Variants in PRRG1 observed in about 807,000 individuals in gnomAD.
PRRG1 encodes the protein proline rich and Gla domain 1.
A neutral mutation model predicts 11.8 loss-of-function variants in PRRG1; 5 were observed. The ratio of observed to expected loss-of-function variants is 0.42; its 90% CI spans 0.22 to 0.89. The LOEUF (loss-of-function observed/expected upper bound fraction) is 0.89. Among genes scored for constraint, PRRG1 ranks in the 40% least tolerant of loss-of-function variants. The probability of loss-of-function intolerance (pLI) is 0.28; values close to 1 mark genes in which losing one functional copy is unlikely to be tolerated. For missense variants in PRRG1, 155 were observed against 166.1 expected (o/e 0.93, Z 0.37); for synonymous variants, 66 against 60.4 (o/e 1.09, Z -0.43).
rs1921263331 is a variant in PRRG1 at position 37,454,108 on chromosome X, T to C, written c.*487T>C. 8.9e-6 allele frequency: 1 copy of C among 112,467 alleles called. No individual in the cohort carries two copies. The highest frequency in any genetic ancestry group is 1.9e-5 in the Non-Finnish European group (1 of 53,409). 9.3% of individuals were successfully genotyped at this position (112,467 alleles called of 1,213,427 possible). A position where few individuals can be genotyped will look rare whatever the true frequency, so the allele number is the denominator to read the frequency against. On this transcript the variant is annotated 3_prime_UTR_variant, in exon 4 of 4. Transcript: ENST00000378628. ...ATGTTTTCTAATTCTGACTGGCTTT[T>C]GTTAACTTGATAATTCTTCATCTAC...
chrX:37,405,627 T>C (rs1468648343), intron 1 of PRRG1, among the ~76,000 whole-genome samples: 2 of 111,427 alleles, frequency 1.8e-5, no homozygotes, highest in Non-Finnish European at 3.8e-5. Flanking sequence ...GTATGTTTTT[T>C]GTTTCTCCAA....
chrX:37,399,737 A>G (rs1269417067), intron 1 of PRRG1, among the ~76,000 whole-genome samples: 2 of 105,883 alleles, frequency 1.9e-5, no homozygotes, highest in African/African-American at 6.9e-5. Flanking sequence ...CAGGAAACCC[A>G]TCTCACGTTC....
intron 1 of PRRG1, among the ~76,000 whole-genome samples, chrX:37,369,812 T>G (rs781932194): frequency 1.3e-4 from 14 of 111,766 alleles, no homozygotes; most frequent in African/African-American, 4.6e-4. Context: ...TCTCACGAGA[T>G]CTGATGGTTT....
chrX:37,381,241 A>G (rs782408846), intron 1 of PRRG1, among the ~76,000 whole-genome samples: 1 of 112,009 alleles, frequency 8.9e-6, no homozygotes, highest in East Asian at 2.8e-4. Context: ...AGTTGTTTTA[A>G]GAAGCCATTT....
chrX:37,412,167 T>C lies in PRRG1; in HGVS notation c.10+5908T>C, dbSNP rs1221642936. On this transcript the variant is annotated intron_variant, in intron 2 of 3. Transcript: ENST00000378628. ...TGGTAGTGTTGCCAGTTAGTCTTTG[T>C]TTCTTATTAAAACATAGCAGCATAA... Among the ~76,000 whole-genome samples the C allele has an allele frequency of 3.6e-5, 4 of 111,977 alleles. No homozygotes were observed. In the Admixed American group the frequency reaches 3.8e-4, roughly 11 times the overall value.
At chrX:37,440,657 A>T (rs1932957996) in intron 3 of PRRG1, 2 of 456,987 alleles carry the variant, frequency 4.4e-6, no homozygotes, top group Non-Finnish European at 7.6e-6. Flanking sequence ...GAGGGTATTA[A>T]GTAAAATGGG....
At chrX:37,413,744 A>G (rs972033901) in intron 2 of PRRG1, among the ~76,000 whole-genome samples, 1 of 111,890 alleles carries the variant, frequency 8.9e-6, no homozygotes, top group Non-Finnish European at 1.9e-5. Flanking sequence ...ACATATAGCC[A>G]TGAGCTGCAT....
In PRRG1 at chrX:37,425,822, A is replaced by T. The variant is rs1556388221; in HGVS notation, c.11-18A>T. On this transcript the variant is annotated intron_variant, in intron 2 of 3. Transcript: ENST00000378628. ...TCAACTTGCCACATAGGTTTTTTAT[A>T]CTTATATTTCTTTTTAGTTTTCCTC... The T allele has an allele frequency of 8.7e-7, 1 of 1,154,322 alleles. No individual in the cohort carries two copies. The highest frequency in any genetic ancestry group is 2.7e-5 in the Admixed American group (1 of 36,925).
In PRRG1 at chrX:37,454,188, AGT is replaced by A. The variant is rs1556397637; in HGVS notation, c.*575_*576del. 2 of 112,420 alleles carry A rather than the reference AGT, an allele frequency of 1.8e-5. No homozygotes were observed. Among genetic ancestry groups the A allele is most frequent in the Non-Finnish European group, 3.8e-5 (2 of 53,287 alleles). The allele number at this position is 112,420 out of a possible 1,213,427, so 9.3% of individuals were successfully genotyped here. On this transcript the variant is annotated 3_prime_UTR_variant, in exon 4 of 4. Transcript: ENST00000378628. ...TTCTTGATGTTATAAATAGAGAAAAAGTGTGTGTGAGCAATAATGCATAAGCT... is the reference window on the plus strand; with the variant it reads ...TTCTTGATGTTATAAATAGAGAAAAAGTGTGTGAGCAATAATGCATAAGCT...
intron 1 of PRRG1, among the ~76,000 whole-genome samples, chrX:37,357,055 T>C (rs1483897896): frequency 8.9e-6 from 1 of 112,060 alleles, no homozygotes. Context: ...ATTCTCTGTG[T>C]TCTGCCTTTT....
At position 37,376,549 on chromosome X, in the gene PRRG1, GTGTATATATA is replaced by G. The variant is rs1311184589; in HGVS notation, c.-42+27156_-42+27165del. ...GTTCAGTGTTTAGTCAGAAATGTGA[GTGTATATATA>G]TATATATATATATGTGCTGAGGAGG... On this transcript the variant is annotated intron_variant, in intron 1 of 3. Transcript: ENST00000378628. Among the ~76,000 whole-genome samples the G allele has an allele frequency of 1.8e-3, 29 of 16,018 alleles. 2 individuals carry two copies. Among genetic ancestry groups the G allele is most frequent in the Admixed American group, 5.5e-3 (5 of 908 alleles). 13.9% of individuals were successfully genotyped at this position (16,018 alleles called of 115,157 possible).
intron 1 of PRRG1, among the ~76,000 whole-genome samples, chrX:37,384,409 C>T: frequency 9.0e-6 from 1 of 111,705 alleles, no homozygotes; most frequent in Non-Finnish European, 1.9e-5. Context: ...TTCATAATGG[C>T]TTCTCTCTTT....
intron 1 of PRRG1, among the ~76,000 whole-genome samples, chrX:37,366,413 C>G (rs897645479): frequency 8.9e-6 from 1 of 112,230 alleles, no homozygotes; most frequent in African/African-American, 3.2e-5. Flanking sequence ...AGAGATGGCT[C>G]TTCAACAGCA....
chrX:37,391,401 A>C, intron 1 of PRRG1, among the ~76,000 whole-genome samples: 1 of 112,334 alleles, frequency 8.9e-6, no homozygotes, highest in Non-Finnish European at 1.9e-5. Context: ...AAAAAAATCA[A>C]CTATTGGGAG....
intron 1 of PRRG1, among the ~76,000 whole-genome samples, chrX:37,390,337 A>G (rs1321382039): frequency 9.0e-6 from 1 of 111,130 alleles, no homozygotes; most frequent in Admixed American, 9.6e-5. Flanking sequence ...CACAATCCAA[A>G]TGTCTATCAC....
At chrX:37,359,328 T>G (rs1601968566) in intron 1 of PRRG1, among the ~76,000 whole-genome samples, 2 of 94,236 alleles carry the variant, frequency 2.1e-5, no homozygotes, top group South Asian at 9.0e-4. Context: ...TTGCTGAGAG[T>G]TTTTTTTTTT....
intron 1 of PRRG1, among the ~76,000 whole-genome samples, chrX:37,405,128 A>G (rs1349241614): frequency 3.6e-5 from 4 of 112,238 alleles, no homozygotes; most frequent in African/African-American, 1.3e-4. Flanking sequence ...CTCTGTATCA[A>G]CTTACTATGA....
intron 1 of PRRG1, among the ~76,000 whole-genome samples, chrX:37,392,810 A>G (rs1375738311): frequency 1.8e-5 from 2 of 111,316 alleles, no homozygotes; most frequent in South Asian, 3.7e-4. Flanking sequence ...AGGTACCACT[A>G]TTTATCACTG....
Position 37,453,629 on chromosome X carries a change from A to G in PRRG1, c.*8A>G. 1 of 1,152,475 alleles carries G rather than the reference A, an allele frequency of 8.7e-7. No homozygotes were observed. Among genetic ancestry groups the G allele is most frequent in the Non-Finnish European group, 1.2e-6 (1 of 866,908 alleles). 95.0% of individuals were successfully genotyped at this position (1,152,475 alleles called of 1,213,427 possible). On this transcript the variant is annotated 3_prime_UTR_variant, in exon 4 of 4. Coordinates refer to ENST00000378628, the MANE Select transcript of PRRG1 (RefSeq NM_001142395.2). ...GTCACCACCATCAAATGAAGCTGCA[A>G]ACTTCTTTTTACTCTAATCATTTTT...
Sources: allele counts gnomAD v4.1 joint callset (sites outside exome capture counted in the v4.1 genomes callset), GRCh38; gene constraint gnomAD v4.1.1; transcripts MANE v1.5; gene names NCBI Gene and HGNC (gene_info 2026-07-23, HGNC 2026-07-21).